Variants in SCAMP5 observed in about 807,000 individuals in gnomAD.
SCAMP5 encodes the protein secretory carrier membrane protein 5.
A neutral mutation model predicts 28.3 loss-of-function variants in SCAMP5; 7 were observed. That is an observed-to-expected ratio of 0.25 (90% confidence interval 0.14 to 0.46). The LOEUF (loss-of-function observed/expected upper bound fraction) is 0.46. Among genes scored for constraint, SCAMP5 ranks in the 20% least tolerant of loss-of-function variants. The pLI is 0.99. For synonymous variants in SCAMP5, 117 were observed against 116.4 expected (o/e 1.00, Z -0.03); for missense variants, 192 against 312.5 (o/e 0.61, Z 2.91).
At chr15:75,011,374 C>T (rs1294330783) in intron 1 of SCAMP5, among the ~76,000 whole-genome samples, 1 of 152,140 alleles carries the variant, frequency 6.6e-6, no homozygotes, top group Non-Finnish European at 1.5e-5. Flanking sequence ...ACATCTGTCT[C>T]ACTCATTCTT....
At chr15:74,997,083 A>T (rs1342767985) in intron 1 of SCAMP5, among the ~76,000 whole-genome samples, 1 of 152,080 alleles carries the variant, frequency 6.6e-6, no homozygotes, top group Non-Finnish European at 1.5e-5. Flanking sequence ...CTTTCTCTAG[A>T]GATGAAATAA....
In SCAMP5 at chr15:75,012,773, G is replaced by A. The variant is rs12908445; in HGVS notation, c.104G>A (p.Ser35Asn). Reference sequence around the variant, plus strand: ...GCAGATATTCCTCCCCAGCATGTCAGCATGACCAAGCGCCTCTACTACCTC... The same window carrying A: ...GCAGATATTCCTCCCCAGCATGTCAACATGACCAAGCGCCTCTACTACCTC... The part of the protein sequence containing the change: ...FEADIPPQHV[S>N]MTKRLYYLWM... Residue 35 changes from serine (S) to asparagine (N), a missense_variant, in exon 3 of 7, where the codon AGC (serine) becomes AAC (asparagine). Ser to Asn is a conservative substitution (Grantham distance 46, BLOSUM62 1). Transcript: ENST00000425597. 1.2e-6 allele frequency: 2 copies of A among 1,613,886 alleles called. No individual in the cohort carries two copies. The highest frequency in any genetic ancestry group is 1.7e-6 in the Non-Finnish European group (2 of 1,179,878).
chr15:74,999,946 T>A (rs2065688125), intron 1 of SCAMP5, among the ~76,000 whole-genome samples: 1 of 152,236 alleles, frequency 6.6e-6, no homozygotes, highest in Admixed American at 6.5e-5. Flanking sequence ...TGAAAAACTT[T>A]CACGAGATAT....
chr15:74,998,632 T>G (rs1233939657), intron 1 of SCAMP5, among the ~76,000 whole-genome samples: 1 of 149,732 alleles, frequency 6.7e-6, no homozygotes, highest in African/African-American at 2.5e-5. Flanking sequence ...AGAACTTTGG[T>G]TTGCAGAGGC....
intron 1 of SCAMP5, chr15:74,995,972 G>A (rs1194813075): frequency 6.6e-6 from 1 of 152,562 alleles, no homozygotes; most frequent in Non-Finnish European, 1.5e-5. Flanking sequence ...TCTGGAGCCT[G>A]AGCTTTGGGC....
At chr15:74,999,636 A>G (rs2065684105) in intron 1 of SCAMP5, among the ~76,000 whole-genome samples, 1 of 152,058 alleles carries the variant, frequency 6.6e-6, no homozygotes, top group African/African-American at 2.4e-5. Flanking sequence ...AAAAACAAAA[A>G]TAAAAAAACA....
At chr15:75,004,636 T>G (rs1760865006) in intron 1 of SCAMP5, among the ~76,000 whole-genome samples, 1 of 151,558 alleles carries the variant, frequency 6.6e-6, no homozygotes, top group African/African-American at 2.4e-5. Flanking sequence ...AGACTGAGAC[T>G]GGAGGATCTC....
Position 75,012,540 on chromosome 15 carries a change from G to C in SCAMP5, c.8-137G>C. On this transcript the variant is annotated intron_variant, in intron 2 of 6. Transcript: ENST00000425597. ...CATCACAGCTGACCCGGGGAGGTAG[G>C]GACGGCTGGGTGGGGAAAGCAGAGT... 7 of 952,920 alleles carry C rather than the reference G, an allele frequency of 7.3e-6. No individual in the cohort carries two copies. In the South Asian group the frequency reaches 8.9e-5, roughly 12 times the overall value. 59.0% of individuals were successfully genotyped at this position (952,920 alleles called of 1,614,324 possible).
At chr15:75,017,167 G>C (rs2065866920) in intron 4 of SCAMP5, among the ~76,000 whole-genome samples, 1 of 152,088 alleles carries the variant, frequency 6.6e-6, no homozygotes, top group African/African-American at 2.4e-5. Context: ...AGCCAGCCAT[G>C]TACCATTGAC....
intron 1 of SCAMP5, among the ~76,000 whole-genome samples, chr15:75,005,700 C>G (rs2141433918): frequency 6.6e-6 from 1 of 152,264 alleles, no homozygotes; most frequent in South Asian, 2.1e-4. Context: ...CTGTGCACAG[C>G]ATAGCAGGAG....
At chr15:74,999,989 G>A (rs2065688549) in intron 1 of SCAMP5, among the ~76,000 whole-genome samples, 2 of 152,062 alleles carry the variant, frequency 1.3e-5, no homozygotes, top group African/African-American at 4.8e-5. Flanking sequence ...TATAAAACAG[G>A]ATGTGTGGAA....
intron 1 of SCAMP5, among the ~76,000 whole-genome samples, chr15:74,997,845 AGG>A (rs2065667140): frequency 6.6e-6 from 1 of 152,166 alleles, no homozygotes; most frequent in Non-Finnish European, 1.5e-5. Flanking sequence ...CTGTTTTCTG[AGG>A]ATTATTCATA....
chr15:75,015,654 C>T (rs1438212029), intron 3 of SCAMP5, among the ~76,000 whole-genome samples: 1 of 152,178 alleles, frequency 6.6e-6, no homozygotes, highest in Non-Finnish European at 1.5e-5. Context: ...TAGCTGGGCA[C>T]TGTGACTCAC....
chr15:75,010,264 G>C (rs1250765569), intron 1 of SCAMP5, among the ~76,000 whole-genome samples: 2 of 152,078 alleles, frequency 1.3e-5, no homozygotes, highest in Non-Finnish European at 2.9e-5. Flanking sequence ...TCTCTACCCT[G>C]TATGTCCCTA....
chr15:75,005,120 A>G (rs1162059741), intron 1 of SCAMP5, among the ~76,000 whole-genome samples: 1 of 151,036 alleles, frequency 6.6e-6, no homozygotes, highest in Non-Finnish European at 1.5e-5. Context: ...GCTTGCAGTG[A>G]GCCGAGATCG....
In SCAMP5 at chr15:75,018,995, C is replaced by T. The variant is rs751249456; in HGVS notation, c.*12C>T. 1 of 1,486,918 alleles carries T rather than the reference C, an allele frequency of 6.7e-7. No individual in the cohort carries two copies. Among genetic ancestry groups the T allele is most frequent in the Non-Finnish European group, 8.9e-7 (1 of 1,122,200 alleles). 92.1% of individuals were successfully genotyped at this position (1,486,918 alleles called of 1,614,324 possible). A position where few individuals can be genotyped will look rare whatever the true frequency, so the allele number is the denominator to read the frequency against. ...CCAATGAGATGTGAACCAGCCACGC[C>T]TACCAGGTGGCAGAGCTGGGGCCAT... On this transcript the variant is annotated 3_prime_UTR_variant, in exon 7 of 7. Transcript: ENST00000425597. This position sits in a 1 kb window ranked among gnomAD's most constrained non-coding sequence, Gnocchi z 5.6.
intron 1 of SCAMP5, among the ~76,000 whole-genome samples, chr15:75,007,300 C>T (rs531346935): frequency 1.3e-5 from 2 of 152,346 alleles, no homozygotes; most frequent in South Asian, 4.1e-4. Context: ...CATTTGCCCT[C>T]TCCTGTAGTA....
chr15:75,018,337 T>A lies in SCAMP5; in HGVS notation c.396-81T>A. The stretch of plus-strand genomic sequence containing the variant: ...GTGATATGTTTCCTCCCTGTGGCAA[T>A]GAGACGGTCCCTTCCTCTAGCGGGG... On this transcript the variant is annotated intron_variant, in intron 5 of 6. Transcript: ENST00000425597. This position sits in a 1 kb window ranked among gnomAD's most constrained non-coding sequence, Gnocchi z 5.6. 1 of 851,156 alleles carries A rather than the reference T, an allele frequency of 1.2e-6. No homozygotes were observed. The allele number at this position is 851,156 out of a possible 1,614,324, so 52.7% of individuals were successfully genotyped here.
At chr15:75,003,452 G>T (rs2065728017) in intron 1 of SCAMP5, among the ~76,000 whole-genome samples, 1 of 152,010 alleles carries the variant, frequency 6.6e-6, no homozygotes, top group South Asian at 2.1e-4. Context: ...GTCAAATACA[G>T]ATATGTATAT....
Sources: gnomAD v4.1 joint callset for allele counts (sites outside exome capture counted in the v4.1 genomes callset) on GRCh38, gnomAD v4.1.1 for gene constraint, Gnocchi (gnomAD v3.1) non-coding constraint, MANE v1.5 for transcripts, NCBI Gene and HGNC (gene_info 2026-07-23, HGNC 2026-07-21) for gene names.